Variants in ABTB3 observed in about 807,000 individuals in gnomAD.
The protein encoded by ABTB3 is ankyrin repeat and BTB domain containing 3.
At chr12:107,515,645 A>G in the ABTB3 span, among the ~76,000 whole-genome samples, 9 of 152,212 alleles carry the variant, frequency 5.9e-5, no homozygotes, top group Non-Finnish European at 1.0e-4. Flanking sequence ...TGGGCAAACC[A>G]GAGGAAGTAA....
chr12:107,368,686 T>A, the ABTB3 span, among the ~76,000 whole-genome samples: 2 of 152,192 alleles, frequency 1.3e-5, no homozygotes, highest in South Asian at 4.1e-4. Context: ...CTGGAACTGC[T>A]ATGCCAGTCT....
chr12:107,529,164 G>C, the ABTB3 span, among the ~76,000 whole-genome samples: 1 of 122,672 alleles, frequency 8.2e-6, no homozygotes, highest in Non-Finnish European at 1.8e-5. Flanking sequence ...GATGATGGTA[G>C]TGATGATGGT....
the ABTB3 span, among the ~76,000 whole-genome samples, chr12:107,393,884 C>A: frequency 6.6e-6 from 1 of 151,942 alleles, no homozygotes; most frequent in Non-Finnish European, 1.5e-5. Flanking sequence ...GGGCCGAGAT[C>A]GCACCACTGC....
chr12:107,402,988 C>T, the ABTB3 span, among the ~76,000 whole-genome samples: 18 of 152,324 alleles, frequency 1.2e-4, no homozygotes, highest in African/African-American at 2.6e-4. Context: ...AGTCACCAGC[C>T]ACAACATGTC....
At chr12:107,499,887 T>C in the ABTB3 span, among the ~76,000 whole-genome samples, 1 of 152,126 alleles carries the variant, frequency 6.6e-6, no homozygotes, top group East Asian at 1.9e-4. Context: ...GGTTTCCCTA[T>C]GTTGGCCAGA....
At chr12:107,319,980 C>T in the ABTB3 span, 6 of 1,584,010 alleles carry the variant, frequency 3.8e-6, no homozygotes, top group South Asian at 5.7e-5. Context: ...CCCAAGTTCA[C>T]CGTGGAGACC....
chr12:107,369,332 C>T, the ABTB3 span, among the ~76,000 whole-genome samples: 2 of 151,792 alleles, frequency 1.3e-5, no homozygotes, highest in Non-Finnish European at 2.9e-5. Flanking sequence ...CATTATAGAA[C>T]CATTCCTTTC....
chr12:107,645,912 C>T, the ABTB3 span, among the ~76,000 whole-genome samples: 2 of 152,164 alleles, frequency 1.3e-5, no homozygotes, highest in African/African-American at 4.8e-5. Context: ...CGCCCTTTCC[C>T]CGTAAAAGAA....
the ABTB3 span, among the ~76,000 whole-genome samples, chr12:107,497,255 T>C: frequency 0.34 from 45,489 of 134,082 alleles, 8,893 homozygotes; most frequent in African/African-American, 0.59. Context: ...ATCACTATCA[T>C]CACCACCACC....
chr12:107,506,607 T>C, the ABTB3 span, among the ~76,000 whole-genome samples: 2 of 152,362 alleles, frequency 1.3e-5, no homozygotes, highest in South Asian at 4.1e-4. Flanking sequence ...ATTTTCCAGC[T>C]TTGACATTGG....
the ABTB3 span, among the ~76,000 whole-genome samples, chr12:107,424,887 T>TA: frequency 6.6e-6 from 1 of 152,136 alleles, no homozygotes; most frequent in Admixed American, 6.5e-5. Context: ...GCCTGTTAGG[T>TA]TTGCCTGATT....
the ABTB3 span, among the ~76,000 whole-genome samples, chr12:107,537,343 T>A: frequency 6.6e-6 from 1 of 152,136 alleles, no homozygotes; most frequent in Non-Finnish European, 1.5e-5. Context: ...TAGTTAACAA[T>A]AATGTATAAG....
the ABTB3 span, among the ~76,000 whole-genome samples, chr12:107,489,381 G>C: frequency 3.6e-3 from 541 of 152,194 alleles, 5 homozygotes; most frequent in African/African-American, 0.012. Context: ...CCAGCCGGGC[G>C]TGGTGGTGCA....
the ABTB3 span, among the ~76,000 whole-genome samples, chr12:107,395,775 C>T: frequency 1.3e-5 from 2 of 152,222 alleles, no homozygotes; most frequent in African/African-American, 2.4e-5. Context: ...TGCCTCCCTT[C>T]TGCCACGCTC....
the ABTB3 span, among the ~76,000 whole-genome samples, chr12:107,385,720 T>C: frequency 2.0e-5 from 3 of 152,122 alleles, no homozygotes; most frequent in Admixed American, 1.3e-4. Context: ...GTATGATGGC[T>C]TATGGGGCCC....
At chr12:107,525,324 C>CAAAAAAAAAAAAAAAAAAAAAA in the ABTB3 span, among the ~76,000 whole-genome samples, 62 of 34,880 alleles carry the variant, frequency 1.8e-3, no homozygotes, top group Middle Eastern at 0.02. Context: ...AAGATCCTGT[C>CAAAAAAAAAAAAAAAAAAAAAA]AAAAAAAAAA....
the ABTB3 span, among the ~76,000 whole-genome samples, chr12:107,427,743 C>T: frequency 6.6e-6 from 1 of 152,140 alleles, no homozygotes; most frequent in East Asian, 1.9e-4. Context: ...CCAAAATACT[C>T]GCTACTTCTC....
At chr12:107,431,748 C>T in the ABTB3 span, among the ~76,000 whole-genome samples, 1 of 152,228 alleles carries the variant, frequency 6.6e-6, no homozygotes, top group Non-Finnish European at 1.5e-5. Context: ...GTAAATGTAC[C>T]TAATAGCAGT....
the ABTB3 span, among the ~76,000 whole-genome samples, chr12:107,497,125 G>A: frequency 3.3e-5 from 5 of 151,860 alleles, no homozygotes; most frequent in Admixed American, 1.3e-4. Context: ...TACCATCATC[G>A]TTACCTCCAC....
Sources: gnomAD v4.1 joint callset for allele counts (sites outside exome capture counted in the v4.1 genomes callset) on GRCh38, gnomAD v4.1.1 for gene constraint, MANE v1.5 for transcripts, NCBI Gene and HGNC (gene_info 2026-07-23, HGNC 2026-07-21) for gene names.